SLC28A3: variants seen among roughly 807,000 people sequenced by gnomAD.
SLC28A3 encodes the protein solute carrier family 28 member 3, also known as concentrative Na(+)-nucleoside cotransporter 3.
In SLC28A3, 68 loss-of-function variants were observed where a neutral mutation model predicts 84.2. The ratio of observed to expected loss-of-function variants is 0.81; its 90% CI spans 0.66 to 0.99. SLC28A3 has a LOEUF of 0.99. SLC28A3 is among the 50% of genes least tolerant of loss of function. The pLI is 0.00. For synonymous variants in SLC28A3, 267 were observed against 303.6 expected (o/e 0.88, Z 1.25); for missense variants, 712 against 841.5 (o/e 0.85, Z 1.90).
At chr9:84,362,849 G>A in the SLC28A3 span, among the ~76,000 whole-genome samples, 3 of 151,884 alleles carry the variant, frequency 2.0e-5, no homozygotes, top group Admixed American at 6.6e-5. Context: ...TAAAATATAA[G>A]TAGGTATTAA....
intron 1 of SLC28A3, among the ~76,000 whole-genome samples, chr9:84,337,501 C>T (rs146579909): frequency 2.3e-4 from 35 of 152,116 alleles, no homozygotes; most frequent in African/African-American, 8.2e-4. Flanking sequence ...TGTGTGTGTA[C>T]TTTGTCCTTT....
upstream of SLC28A3, among the ~76,000 whole-genome samples, chr9:84,344,924 T>C (rs1827225137): frequency 1.3e-5 from 2 of 152,216 alleles, no homozygotes; most frequent in Admixed American, 6.5e-5. Flanking sequence ...CTGACCACCT[T>C]GGGCAAATGT....
At chr9:84,353,061 G>A in the SLC28A3 span, among the ~76,000 whole-genome samples, 5 of 151,992 alleles carry the variant, frequency 3.3e-5, no homozygotes, top group East Asian at 9.7e-4. Context: ...TCATTATCAG[G>A]TCAAGCCATT....
the SLC28A3 span, among the ~76,000 whole-genome samples, chr9:84,349,261 C>G: frequency 6.6e-6 from 1 of 152,174 alleles, no homozygotes; most frequent in African/African-American, 2.4e-5. Context: ...TTGCTTCAGG[C>G]CATCTGGATG....
At chr9:84,283,644 A>G (rs1190321222) in intron 14 of SLC28A3, among the ~76,000 whole-genome samples, 1 of 152,228 alleles carries the variant, frequency 6.6e-6, no homozygotes. Flanking sequence ...AAAAACAGGC[A>G]AAGTATTATC....
chr9:84,353,743 G>A, the SLC28A3 span, among the ~76,000 whole-genome samples: 2 of 152,102 alleles, frequency 1.3e-5, no homozygotes, highest in Admixed American at 1.3e-4. Context: ...AAAGAACTAT[G>A]TCCTACACAT....
intron 1 of SLC28A3, among the ~76,000 whole-genome samples, chr9:84,335,414 A>G (rs941152807): frequency 1.3e-5 from 2 of 152,160 alleles, no homozygotes; most frequent in Non-Finnish European, 2.9e-5. Context: ...CAGTTGTGGT[A>G]GCACGTGCCT....
chr9:84,321,373 C>T (rs1210355372), intron 1 of SLC28A3, among the ~76,000 whole-genome samples: 3 of 151,934 alleles, frequency 2.0e-5, no homozygotes, highest in South Asian at 2.1e-4. Context: ...TCACAATGGG[C>T]ACACTAGACC....
At chr9:84,334,756 C>T (rs985667345) in intron 1 of SLC28A3, among the ~76,000 whole-genome samples, 2 of 151,960 alleles carry the variant, frequency 1.3e-5, no homozygotes, top group Admixed American at 1.3e-4. Context: ...ACCATTTTTC[C>T]TAGCCTAACT....
the SLC28A3 span, among the ~76,000 whole-genome samples, chr9:84,358,438 A>G: frequency 6.6e-6 from 1 of 152,076 alleles, no homozygotes; most frequent in Admixed American, 6.5e-5. Flanking sequence ...CCTGTGTTCC[A>G]TGGTGCGGGC....
the SLC28A3 span, among the ~76,000 whole-genome samples, chr9:84,362,251 C>T: frequency 1.2e-3 from 181 of 152,268 alleles, 1 homozygote; most frequent in African/African-American, 4.1e-3. Flanking sequence ...CCCAGGGCTT[C>T]ATCTGTTAAT....
At chr9:84,317,049 G>A (rs1020109033) in intron 1 of SLC28A3, among the ~76,000 whole-genome samples, 7 of 150,288 alleles carry the variant, frequency 4.7e-5, no homozygotes, top group Admixed American at 4.0e-4. Context: ...AGGCCTATGA[G>A]GTGGGTACCA....
At chr9:84,356,984 G>A in the SLC28A3 span, among the ~76,000 whole-genome samples, 15 of 151,874 alleles carry the variant, frequency 9.9e-5, no homozygotes, top group South Asian at 6.2e-4. Context: ...TTTTATTATC[G>A]TAATTCTTCC....
chr9:84,352,350 A>C, the SLC28A3 span, among the ~76,000 whole-genome samples: 2 of 151,758 alleles, frequency 1.3e-5, no homozygotes, highest in Admixed American at 6.6e-5. Flanking sequence ...CACCTGGCTA[A>C]TTTTTTGTAT....
At chr9:84,339,936 C>A (rs1827101625) in intron 1 of SLC28A3, among the ~76,000 whole-genome samples, 1 of 152,198 alleles carries the variant, frequency 6.6e-6, no homozygotes, top group Non-Finnish European at 1.5e-5. Flanking sequence ...CCATCTTCTC[C>A]AGAGCGCCCA....
intron 15 of SLC28A3, among the ~76,000 whole-genome samples, chr9:84,280,413 C>T (rs1010820124): frequency 6.6e-6 from 1 of 152,146 alleles, no homozygotes; most frequent in Non-Finnish European, 1.5e-5. Flanking sequence ...AGATGATGTG[C>T]AACTCAACTG....
At chr9:84,292,590 G>A (rs765400550) in intron 10 of SLC28A3, 78 bp downstream of exon 10, 5 of 1,178,292 alleles carry the variant, frequency 4.2e-6, no homozygotes, top group Non-Finnish European at 4.9e-6. Context: ...AGAACATTGT[G>A]TTATTTTCTT....
chr9:84,288,692 C>A (rs2118135524), intron 11 of SLC28A3, among the ~76,000 whole-genome samples: 1 of 152,158 alleles, frequency 6.6e-6, no homozygotes, highest in Middle Eastern at 3.4e-3. Flanking sequence ...TTACAGGAGC[C>A]CACCACCACA....
At chr9:84,284,539 T>C (rs556031875) in intron 14 of SLC28A3, among the ~76,000 whole-genome samples, 1 of 152,336 alleles carries the variant, frequency 6.6e-6, no homozygotes, top group East Asian at 1.9e-4. Flanking sequence ...AATACATGCC[T>C]GGAACATTAA....
Sources: allele counts gnomAD v4.1 joint callset (sites outside exome capture counted in the v4.1 genomes callset), GRCh38; gene constraint gnomAD v4.1.1; transcripts MANE v1.5; gene names NCBI Gene and HGNC (gene_info 2026-07-23, HGNC 2026-07-21).